Variants in CAMKK2 observed in about 807,000 individuals in gnomAD.
CAMKK2 encodes calcium/calmodulin-dependent protein kinase kinase 2.
CAMKK2 carries 30 observed loss-of-function variants against 67.2 expected under a neutral mutation model. The observed-to-expected ratio is 0.45, with a 90% CI of 0.33 to 0.61. The LOEUF (loss-of-function observed/expected upper bound fraction) is 0.61, where lower values mean the gene tolerates loss of function less well. Ranked by LOEUF, CAMKK2 falls within the 20% of genes least tolerant of loss-of-function variation. CAMKK2 has a pLI of 0.02. For synonymous variants in CAMKK2, 322 were observed against 326.2 expected (o/e 0.99, Z 0.14); for missense variants, 643 against 802.0 (o/e 0.80, Z 2.39).
intron 1 of CAMKK2, among the ~76,000 whole-genome samples, chr12:121,282,978 C>G (rs59079154): frequency 0.046 from 6,961 of 152,210 alleles, 498 homozygotes; most frequent in African/African-American, 0.16. Context: ...TGGTCTCAAA[C>G]TACTGACCTC....
intron 5 of CAMKK2, among the ~76,000 whole-genome samples, chr12:121,264,640 G>C (rs1308955077): frequency 6.6e-6 from 1 of 152,112 alleles, no homozygotes; most frequent in Non-Finnish European, 1.5e-5. Context: ...CGGGCGTGGT[G>C]GTGGGCGCCT....
rs1893936529 is a variant in CAMKK2, at chr12:121,263,722, C to T, written c.759+84G>A. Reference sequence around the variant, plus strand: ...CAGTGAGCGGTCTGGTGTGACCTGGCTCTCCCTGGAAACCAGTGGCGGGGT... The same window carrying T: ...CAGTGAGCGGTCTGGTGTGACCTGGTTCTCCCTGGAAACCAGTGGCGGGGT... On this transcript the variant is annotated intron_variant, in intron 6 of 16. Transcript: ENST00000404169. 5 of 1,385,336 alleles carry T rather than the reference C, an allele frequency of 3.6e-6. No homozygotes were observed. The East Asian group carries it at 1.2e-4, about 33-fold the overall frequency. The allele number at this position is 1,385,336 out of a possible 1,614,324, so 85.8% of individuals were successfully genotyped here. A position where few individuals can be genotyped will look rare whatever the true frequency, so the allele number is the denominator to read the frequency against.
At chr12:121,279,390 G>A (rs533196189) in intron 1 of CAMKK2, among the ~76,000 whole-genome samples, 186 of 152,370 alleles carry the variant, frequency 1.2e-3, no homozygotes, top group Non-Finnish European at 1.4e-3. Flanking sequence ...GTCTAGGCCA[G>A]TGTCCTGAAC....
chr12:121,269,089 C>T (rs1895213825), intron 4 of CAMKK2, among the ~76,000 whole-genome samples: 1 of 151,672 alleles, frequency 6.6e-6, no homozygotes, highest in Non-Finnish European at 1.5e-5. Context: ...GAAACTGAGG[C>T]TCAGCTGTTT....
At chr12:121,283,770 G>A (rs967426897) in intron 1 of CAMKK2, among the ~76,000 whole-genome samples, 1 of 152,142 alleles carries the variant, frequency 6.6e-6, no homozygotes, top group African/African-American at 2.4e-5. Flanking sequence ...AACTATGATT[G>A]CACCACTGCA....
At chr12:121,260,671 G>A (rs113052316) in intron 6 of CAMKK2, 207 of 517,158 alleles carry the variant, frequency 4.0e-4, no homozygotes, top group Admixed American at 8.6e-4. Flanking sequence ...GCCTATCTCC[G>A]GCTGGGCGCA....
Position 121,245,083 on chromosome 12 carries a change from C to A in CAMKK2, c.1553+57G>T. 1 of 1,267,482 alleles carries A rather than the reference C, an allele frequency of 7.9e-7. No individual in the cohort carries two copies. Among genetic ancestry groups the A allele is most frequent in the South Asian group, 1.3e-5 (1 of 78,448 alleles). 78.5% of individuals were successfully genotyped at this position (1,267,482 alleles called of 1,614,324 possible). ...TGCAGAGTGGTCTGGGCAGGGCTGCCCCAAGCCTAGCCTCCAGCCACCACT... is the reference window on the plus strand; with the variant it reads ...TGCAGAGTGGTCTGGGCAGGGCTGCACCAAGCCTAGCCTCCAGCCACCACT... On this transcript the variant is annotated intron_variant, in intron 15 of 16. Transcript: ENST00000404169. The surrounding 1 kb of genome is among the most constrained non-coding windows in gnomAD (Gnocchi z 5.8).
chr12:121,252,934 C>T (rs1011213228), intron 10 of CAMKK2, among the ~76,000 whole-genome samples: 1 of 152,166 alleles, frequency 6.6e-6, no homozygotes, highest in Non-Finnish European at 1.5e-5. Flanking sequence ...GGCACATGAC[C>T]CATGTTGGGC....
At chr12:121,296,957 A>G (rs1258176053), upstream of CAMKK2, among the ~76,000 whole-genome samples, 1 of 151,818 alleles carries the variant, frequency 6.6e-6, no homozygotes, top group Non-Finnish European at 1.5e-5. This position sits in a 1 kb window ranked among gnomAD's most constrained non-coding sequence, Gnocchi z 7.1. Context: ...GAAAGTAGCG[A>G]AGAGGCGAAG....
chr12:121,260,537 A>C, intron 6 of CAMKK2, 182 bp from the exon 7 acceptor site: 1 of 609,840 alleles, frequency 1.6e-6, no homozygotes, highest in Non-Finnish European at 2.9e-6. Context: ...GTGAGATCCT[A>C]ATGGCTATTC....
intron 1 of CAMKK2, among the ~76,000 whole-genome samples, chr12:121,281,198 C>T (rs1340621968): frequency 6.6e-6 from 1 of 152,274 alleles, no homozygotes; most frequent in Non-Finnish European, 1.5e-5. Context: ...GGGCAGGTCC[C>T]CCGCTAGACG....
chr12:121,292,994 A>T (rs187386997), intron 1 of CAMKK2, among the ~76,000 whole-genome samples: 130 of 150,974 alleles, frequency 8.6e-4, no homozygotes, highest in Non-Finnish European at 1.5e-3. Flanking sequence ...AGAAAAAAAA[A>T]GCTGGGCGCC....
intron 14 of CAMKK2, among the ~76,000 whole-genome samples, chr12:121,246,121 G>C (rs913840519): frequency 1.3e-5 from 2 of 151,848 alleles, no homozygotes; most frequent in Admixed American, 1.3e-4. Flanking sequence ...GATGGGCGGG[G>C]GTGTGAAGTA....
At position 121,245,219 on chromosome 12, in the gene CAMKK2, G is replaced by A. The variant is rs1451826262; in HGVS notation, c.1474C>T (p.Arg492Cys). 4 of 1,606,358 alleles carry A rather than the reference G, an allele frequency of 2.5e-6. No homozygotes were observed. The highest frequency in any genetic ancestry group is 1.1e-5 in the South Asian group (1 of 89,634). ...AATGGGTTCCCAAAGGAGCGTTTAC[G>A]TATCATGGTCTTCACCAGGATCTGA... ...ATVILVKTMI[R>C]KRSFGNPFEG... Residue 492 changes from arginine (R) to cysteine (C), a missense_variant, in exon 15 of 17, where the codon CGT (arginine) becomes TGT (cysteine). Physicochemically the swap from Arg to Cys is radical, Grantham distance 180. Around this residue, in one of 3 missense-constraint regions of CAMKK2, gnomAD observed 20 missense variants for 52.0 expected, o/e 0.38. Coordinates refer to ENST00000404169, the MANE Select transcript of CAMKK2 (RefSeq NM_001270485.2). The surrounding 1 kb of genome is among the most constrained non-coding windows in gnomAD (Gnocchi z 5.8).
chr12:121,289,447 G>T (rs1448075029), intron 1 of CAMKK2, among the ~76,000 whole-genome samples: 1 of 152,136 alleles, frequency 6.6e-6, no homozygotes, highest in Non-Finnish European at 1.5e-5. Flanking sequence ...TCTTGGTTTT[G>T]TTGAGAAAGG....
chr12:121,244,191 G>A (rs1593263476), intron 16 of CAMKK2: 1 of 1,561,852 alleles, frequency 6.4e-7, no homozygotes, highest in Non-Finnish European at 8.7e-7. Flanking sequence ...GCCACACAGT[G>A]CAGCATGCCT....
chr12:121,267,080 G>A, intron 5 of CAMKK2, among the ~76,000 whole-genome samples: 1 of 71,550 alleles, frequency 1.4e-5, no homozygotes, highest in African/African-American at 5.4e-5. Context: ...ATACCTCGTG[G>A]TATTTAAATT....
At chr12:121,250,142 A>G (rs1890375825) in intron 11 of CAMKK2, 108 bp from the exon 12 acceptor site, 4 of 854,592 alleles carry the variant, frequency 4.7e-6, no homozygotes, top group Non-Finnish European at 5.7e-6. Context: ...GAAATCAACA[A>G]TTGCGGCCCA....
intron 16 of CAMKK2, among the ~76,000 whole-genome samples, chr12:121,243,114 A>G (rs1222556405): frequency 2.0e-5 from 3 of 147,554 alleles, no homozygotes; most frequent in Non-Finnish European, 4.5e-5. Flanking sequence ...GCTCACCGCA[A>G]CCTCCACCTC....
Sources: gnomAD v4.1 joint callset for allele counts (sites outside exome capture counted in the v4.1 genomes callset) on GRCh38, gnomAD v4.1.1 for gene constraint, gnomAD v4.1.1 regional missense constraint, Gnocchi (gnomAD v3.1) non-coding constraint, MANE v1.5 for transcripts, NCBI Gene and HGNC (gene_info 2026-07-23, HGNC 2026-07-21) for gene names.